Variants in C1RL observed in about 807,000 individuals in gnomAD.
The protein encoded by C1RL is complement C1r subcomponent like.
A neutral mutation model predicts 27.9 loss-of-function variants in C1RL; 27 were observed. The ratio of observed to expected loss-of-function variants is 0.97; its 90% confidence interval spans 0.71 to 1.33. The LOEUF (loss-of-function observed/expected upper bound fraction) is 1.33. Ranked by LOEUF, C1RL falls within the 40% of genes most tolerant of loss-of-function variation. The probability of loss-of-function intolerance (pLI) is 0.00; values close to 1 mark genes in which losing one functional copy is unlikely to be tolerated. For synonymous variants in C1RL, 248 were observed against 252.1 expected (o/e 0.98, Z 0.15); for missense variants, 563 against 623.9 (o/e 0.90, Z 1.04).
At chr12:7,098,487 C>T (rs1172339940) in intron 5 of C1RL, 1 of 152,126 alleles carries the variant, frequency 6.6e-6, no homozygotes, top group Non-Finnish European at 1.5e-5. Context: ...GATTTAGAAA[C>T]GTACGTTGAT....
intron 3 of C1RL, chr12:7,101,511 CT>C (rs2135757709): frequency 4.0e-6 from 1 of 252,890 alleles, no homozygotes; most frequent in East Asian, 7.6e-5. Context: ...CTCAAGCAAT[CT>C]TCCAGCCTTG....
At chr12:7,098,643 TGATG>T (rs1356789762) in intron 5 of C1RL, among the ~76,000 whole-genome samples, 2 of 152,184 alleles carry the variant, frequency 1.3e-5, no homozygotes, top group African/African-American at 4.8e-5. Flanking sequence ...AATGAAATAC[TGATG>T]GATGCTATAA....
At position 7,099,928 on chromosome 12, in the gene C1RL, C is replaced by G. The variant is rs778893794; in HGVS notation, c.589G>C (p.Glu197Gln). 1.2e-6 allele frequency: 2 copies of G among 1,614,006 alleles called. No homozygotes were observed. The highest frequency in any genetic ancestry group is 1.6e-4 in the Middle Eastern group (1 of 6,082). Residue 197 changes from glutamate (E) to glutamine (Q), a missense_variant, in exon 4 of 6, where the codon GAG (glutamate) becomes CAG (glutamine). Coordinates refer to ENST00000266542, the MANE Select transcript of C1RL (RefSeq NM_016546.4). Reference protein sequence around the residue: ...NPAKVQNHCQEPYYQAAAAGA... With the variant: ...NPAKVQNHCQQPYYQAAAAGA... ...GCTGCCGCGGCCTGATAATAGGGCT[C>G]CTGGCAGTGGTTCTGGACCTTGGCA...
At chr12:7,100,099 C>T in intron 3 of C1RL, 73 bp from the exon 4 acceptor site, 1 of 1,411,256 alleles carries the variant, frequency 7.1e-7, no homozygotes, top group Non-Finnish European at 9.6e-7. Context: ...CATGGCTATA[C>T]TTGGTTTGAC....
chr12:7,103,946 A>C (rs1938693809), intron 2 of C1RL, among the ~76,000 whole-genome samples: 1 of 152,354 alleles, frequency 6.6e-6, no homozygotes, highest in Admixed American at 6.5e-5. Flanking sequence ...CTGAAGCAAT[A>C]AATGCATGCA....
In C1RL at chr12:7,108,978, TGTGTGTGTGTGGGGG is replaced by T. The variant is rs1176940368; in HGVS notation, c.71+117_71+131del. The T allele has an allele frequency of 9.8e-3, 1,609 of 164,094 alleles. 32 individuals are homozygous for T. Among genetic ancestry groups the T allele is most frequent in the African/African-American group, 0.015 (95 of 6,136 alleles). The allele number at this position is 164,094 out of a possible 1,614,324, so 10.2% of individuals were successfully genotyped here. On this transcript the variant is annotated intron_variant, in intron 1 of 5. Transcript: ENST00000266542. ...TGTATGTGGGGGAGGTGTGTGTGTG[TGTGTGTGTGTGGGGG>T]GGGGGGGGATGTGTGTGTGGGGGGG...
chr12:7,097,442 G>C (rs771449329), intron 5 of C1RL, among the ~76,000 whole-genome samples: 9 of 152,214 alleles, frequency 5.9e-5, no homozygotes, highest in Admixed American at 5.9e-4. Context: ...ACTACGCCCG[G>C]CTAATTTTTG....
chr12:7,108,537 G>T (rs1938834475), intron 1 of C1RL, 58 bp from the exon 2 acceptor site: 1 of 1,414,100 alleles, frequency 7.1e-7, no homozygotes, highest in Non-Finnish European at 9.6e-7. Context: ...AAGCCTGTGG[G>T]TGTGGGAGGA....
Position 7,095,000 on chromosome 12 carries a change from T to C in C1RL, c.*1391A>G, listed in dbSNP as rs2135749724. 1 of 1,111,768 alleles carries C rather than the reference T, an allele frequency of 9.0e-7. No individual in the cohort carries two copies. The highest frequency in any genetic ancestry group is 1.9e-5 in the South Asian group (1 of 52,416). The allele number at this position is 1,111,768 out of a possible 1,614,324, so 68.9% of individuals were successfully genotyped here. On this transcript the variant is annotated 3_prime_UTR_variant, in exon 6 of 6. Transcript: ENST00000266542. ...GAGATAAATTTAACCTTTGACCATA[T>C]AGCAACTTGACTCTTGATGCTAACA...
chr12:7,097,283 G>GTTTTTTTTTTTTTTTTTTT (rs34071292), intron 5 of C1RL, 120 bp from the exon 6 acceptor site: 1 of 564,454 alleles, frequency 1.8e-6, no homozygotes. Context: ...GGATCAGGAC[G>GTTTTTTTTTTTTTTTTTTT]TTTTTTTTTT....
Position 7,099,960 on chromosome 12 carries a change from T to A in C1RL, c.557A>T (p.Asp186Val). The change falls in exon 4 of 6, where the codon GAC (aspartate) becomes GTC (valine). Residue 186 changes from aspartate (D) to valine (V), a missense_variant. Asp to Val is a radical substitution (Grantham distance 152, BLOSUM62 -3). Coordinates refer to ENST00000266542, the MANE Select transcript of C1RL (RefSeq NM_016546.4). ...RGSEAINAPG[D>V]NPAKVQNHCQ... ...GTGGTTCTGGACCTTGGCAGGGTTG[T>A]CTCCAGGTGCGTTGATGGCCTCAGA... 6.2e-7 allele frequency: 1 copy of A among 1,614,046 alleles called. No homozygotes were observed. The highest frequency in any genetic ancestry group is 8.5e-7 in the Non-Finnish European group (1 of 1,180,000).
intron 5 of C1RL, among the ~76,000 whole-genome samples, chr12:7,097,666 G>A (rs760027649): frequency 8.3e-4 from 127 of 152,182 alleles, no homozygotes; most frequent in Middle Eastern, 3.2e-3. Flanking sequence ...CAAGTGTACG[G>A]GGCACCCATC....
rs764538217 is a variant in C1RL at position 7,108,966 on chromosome 12, G to GGTGTGTGTGTGTGTGTGTGTGTGTGTGT, written c.71+143_71+144insACACACACACACACACACACACACACAC. 3.5e-5 allele frequency: 13 copies of GGTGTGTGTGTGTGTGTGTGTGTGTGTGT among 367,964 alleles called. 1 individual carries two copies. The highest frequency in any genetic ancestry group is 9.7e-5 in the African/African-American group (2 of 20,648). 22.8% of individuals were successfully genotyped at this position (367,964 alleles called of 1,614,324 possible). On this transcript the variant is annotated intron_variant, in intron 1 of 5. Coordinates refer to ENST00000266542, the MANE Select transcript of C1RL (RefSeq NM_016546.4). ...GCTGCTGGTGTGTGTATGTGGGGGA[G>GGTGTGTGTGTGTGTGTGTGTGTGTGTGT]GTGTGTGTGTGTGTGTGTGTGTGGG...
In C1RL at chr12:7,101,902, G is replaced by A. The variant is rs138023055; in HGVS notation, c.486C>T (p.Thr162=). The A allele has an allele frequency of 3.8e-5, 62 of 1,613,990 alleles. No individual in the cohort carries two copies. The highest frequency in any genetic ancestry group is 5.1e-5 in the Non-Finnish European group (60 of 1,179,994). ...LHKGFLALYQ[T]VAVNYSQPIS... ...ACCCCCAGGAGGGACACTCACCCAC[G>A]GTTTGGTAGAGGGCCAGGAAGCCCT... Residue 162 remains threonine (T), a synonymous_variant, in exon 3 of 6, where the codon ACC becomes ACT. Coordinates refer to ENST00000266542, the MANE Select transcript of C1RL (RefSeq NM_016546.4).
At position 7,104,332 on chromosome 12, in the gene C1RL, C is replaced by T. The variant is rs1938703768; in HGVS notation, c.301-2245G>A. Among the ~76,000 whole-genome samples the T allele has an allele frequency of 6.6e-6, 1 of 152,204 alleles. No homozygotes were observed. On this transcript the variant is annotated intron_variant, in intron 2 of 5. Coordinates refer to ENST00000266542, the MANE Select transcript of C1RL (RefSeq NM_016546.4). The surrounding 1 kb of genome is among the most constrained non-coding windows in gnomAD (Gnocchi z 5.4). ...AGAAGGCATGAGCTTAACAAGAAAC[C>T]CTGGACTTGAGGCCCCGCGGCACAC...
At position 7,096,371 on chromosome 12, in the gene C1RL, C is replaced by T. The variant is rs752427018; in HGVS notation, c.*20G>A. ...TGGGGCCTCCACTGTGCTGGTCAGT[C>T]CCTGTTCAAGCCCCCAGGGTCAATT... On this transcript the variant is annotated 3_prime_UTR_variant, in exon 6 of 6. Transcript: ENST00000266542. The T allele has an allele frequency of 1.4e-6, 2 of 1,430,090 alleles. No homozygotes were observed. Among genetic ancestry groups the T allele is most frequent in the Admixed American group, 3.8e-5 (2 of 53,278 alleles). 88.6% of individuals were successfully genotyped at this position (1,430,090 alleles called of 1,614,324 possible).
At chr12:7,097,188 G>A (rs1938471612) in intron 5 of C1RL, 25 bp from the exon 6 acceptor site, 1 of 1,569,336 alleles carries the variant, frequency 6.4e-7, no homozygotes. Context: ...GGGTAGGGGT[G>A]ACAGTCAGCA....
intron 3 of C1RL, 56 bp from the exon 4 acceptor site, chr12:7,100,082 T>TGCCAA (rs1851551378): frequency 6.5e-7 from 1 of 1,541,730 alleles, no homozygotes; most frequent in African/African-American, 1.4e-5. Flanking sequence ...AGGGGCTGAT[T>TGCCAA]CTGGCCCATG....
intron 2 of C1RL, among the ~76,000 whole-genome samples, chr12:7,102,824 G>A (rs751501017): frequency 3.3e-4 from 50 of 152,244 alleles, no homozygotes; most frequent in Admixed American, 5.9e-4. Context: ...TGACTGTCTC[G>A]CCTCTGCTCA....
Sources: gnomAD v4.1 joint callset for allele counts (sites outside exome capture counted in the v4.1 genomes callset) on GRCh38, gnomAD v4.1.1 for gene constraint, Gnocchi (gnomAD v3.1) non-coding constraint, MANE v1.5 for transcripts, NCBI Gene and HGNC (gene_info 2026-07-23, HGNC 2026-07-21) for gene names.